Variants in ZNF75D observed in about 807,000 individuals in gnomAD.
ZNF75D encodes zinc finger protein 75D, also known as zinc finger protein 75.
In ZNF75D, 33 loss-of-function variants were observed where a neutral mutation model predicts 33.3. The ratio of observed to expected loss-of-function variants is 0.99; its 90% confidence interval spans 0.75 to 1.32. ZNF75D has a LOEUF of 1.32. Ranked by LOEUF, ZNF75D falls within the 40% of genes most tolerant of loss-of-function variation. ZNF75D has a pLI of 0.00. For missense variants in ZNF75D, 338 were observed against 367.5 expected (o/e 0.92, Z 0.66); for synonymous variants, 113 against 130.6 (o/e 0.87, Z 0.92).
intron 1 of ZNF75D, among the ~76,000 whole-genome samples, chrX:135,302,893 G>C (rs1221186190): frequency 1.8e-5 from 2 of 109,897 alleles, no homozygotes; most frequent in East Asian, 5.7e-4. Flanking sequence ...GCCGGCCTCT[G>C]AGTTCCCTTA....
chrX:135,289,562 G>A, intron 6 of ZNF75D, among the ~76,000 whole-genome samples: 1 of 109,411 alleles, frequency 9.1e-6, no homozygotes, highest in Non-Finnish European at 1.9e-5. Context: ...GTTGCAGTGA[G>A]CCAAGATTGC....
intron 1 of ZNF75D, among the ~76,000 whole-genome samples, chrX:135,318,638 C>T (rs1407895199): frequency 1.8e-5 from 2 of 111,219 alleles, no homozygotes; most frequent in East Asian, 2.8e-4. Flanking sequence ...CAATTATAAA[C>T]AAAAATTAAT....
chrX:135,258,183 T>A (rs2083817232), intron 1 of ZNF75D, among the ~76,000 whole-genome samples: 1 of 84,822 alleles, frequency 1.2e-5, no homozygotes, highest in Non-Finnish European at 2.9e-5. Context: ...TGGTGTATAA[T>A]CCAGTCTATC....
chrX:135,315,448 G>C (rs782203203), intron 1 of ZNF75D, among the ~76,000 whole-genome samples: 5 of 112,459 alleles, frequency 4.4e-5, no homozygotes, highest in African/African-American at 1.6e-4. Context: ...ATAAACGTCT[G>C]TTAGGTCCAT....
rs782129500 is a variant in ZNF75D, at chrX:135,318,330, C to T, written c.-390-22291G>A. On this transcript the variant is annotated intron_variant, in intron 1 of 6. Coordinates refer to ENST00000370766, the MANE Select transcript of ZNF75D (RefSeq NM_007131.5). Reference sequence around the variant, plus strand: ...CTGGTCACACAAAATGCACTACTGACCACATTTACCAACTTTCCTCTTCCA... The same window carrying T: ...CTGGTCACACAAAATGCACTACTGATCACATTTACCAACTTTCCTCTTCCA... Among the ~76,000 whole-genome samples the T allele has an allele frequency of 1.8e-4, 20 of 109,914 alleles. No individual in the cohort carries two copies. In the South Asian group the frequency reaches 7.4e-3, roughly 41 times the overall value.
At chrX:135,258,267 T>G (rs1339918020) in intron 1 of ZNF75D, among the ~76,000 whole-genome samples, 2 of 108,745 alleles carry the variant, frequency 1.8e-5, no homozygotes, top group Non-Finnish European at 3.9e-5. Flanking sequence ...CGTGTGCATG[T>G]GTCTTTATAG....
chrX:135,308,272 G>T (rs1420968554), intron 1 of ZNF75D, among the ~76,000 whole-genome samples: 1 of 112,262 alleles, frequency 8.9e-6, no homozygotes, highest in Non-Finnish European at 1.9e-5. Flanking sequence ...CAGGGAAAAA[G>T]AGAGAGTGTG....
At chrX:135,314,705 C>T (rs995868002) in intron 1 of ZNF75D, among the ~76,000 whole-genome samples, 1 of 111,628 alleles carries the variant, frequency 9.0e-6, no homozygotes, top group African/African-American at 3.3e-5. Context: ...TCAAGCTGGG[C>T]AGGTTGTATG....
chrX:135,306,530 T>C (rs1049694514), intron 1 of ZNF75D, among the ~76,000 whole-genome samples: 1 of 111,987 alleles, frequency 8.9e-6, no homozygotes, highest in Non-Finnish European at 1.9e-5. Context: ...CCCTCTTACA[T>C]AATCCTTCGC....
chrX:135,278,537 G>A (rs965788762), intron 1 of ZNF75D, among the ~76,000 whole-genome samples: 4 of 111,878 alleles, frequency 3.6e-5, no homozygotes, highest in African/African-American at 1.3e-4. Flanking sequence ...GAATAGGAGT[G>A]GTGAGAGAGG....
At chrX:135,258,099 G>A (rs921709273) in intron 1 of ZNF75D, among the ~76,000 whole-genome samples, 1 of 106,090 alleles carries the variant, frequency 9.4e-6, no homozygotes, top group Non-Finnish European at 2.0e-5. Flanking sequence ...TGCTGAGAAT[G>A]ATGGTTTCCA....
At chrX:135,249,136 A>C (rs2083771205) in exon 4 of ZNF75D, 1 of 323,652 alleles carries the variant, frequency 3.1e-6, no homozygotes, top group Non-Finnish European at 6.0e-6. Context: ...CTGTCTACTG[A>C]GTAAAACGCT....
At chrX:135,268,556 C>G (rs1292743813) in intron 1 of ZNF75D, among the ~76,000 whole-genome samples, 1 of 110,146 alleles carries the variant, frequency 9.1e-6, no homozygotes, top group African/African-American at 3.3e-5. Context: ...TGAAGCATGT[C>G]TATTATGAAA....
chrX:135,262,438 C>T (rs1476899539), intron 1 of ZNF75D, among the ~76,000 whole-genome samples: 3 of 112,334 alleles, frequency 2.7e-5, no homozygotes, highest in African/African-American at 9.7e-5. Flanking sequence ...ACCTATCAAA[C>T]GTAGATTTGG....
rs782074411 is a variant in ZNF75D at position 135,341,819 on chromosome X, A to G, written c.-442T>C. The G allele has an allele frequency of 8.9e-6, 1 of 112,584 alleles. No individual in the cohort carries two copies. The highest frequency in any genetic ancestry group is 2.8e-4 in the East Asian group (1 of 3,580). 9.3% of individuals were successfully genotyped at this position (112,584 alleles called of 1,213,427 possible). A position where few individuals can be genotyped will look rare whatever the true frequency, so the allele number is the denominator to read the frequency against. On this transcript the variant is annotated 5_prime_UTR_variant, in exon 1 of 7. An upstream start codon of the reference 5' UTR is lost. Coordinates refer to ENST00000370766, the MANE Select transcript of ZNF75D (RefSeq NM_007131.5). The stretch of plus-strand genomic sequence containing the variant: ...GGATCTTGGAAGATGGTAGTGGGTC[A>G]TTGTAAACTAAGCCAGGTGATGACT...
chrX:135,336,627 TCCTAGCCCTAGC>T (rs1261494878), intron 1 of ZNF75D, among the ~76,000 whole-genome samples: 1 of 112,093 alleles, frequency 8.9e-6, no homozygotes, highest in African/African-American at 3.2e-5. Flanking sequence ...ATATCTGCAT[TCCTAGCCCTAGC>T]CCTACTCCTA....
chrX:135,297,890 G>T (rs2084157136), intron 1 of ZNF75D: 1 of 112,110 alleles, frequency 8.9e-6, no homozygotes, highest in Admixed American at 9.4e-5. Flanking sequence ...TGCCAGCATT[G>T]TTGTTGGGTT....
chrX:135,262,458 A>G (rs1486070569), intron 1 of ZNF75D, among the ~76,000 whole-genome samples: 1 of 112,027 alleles, frequency 8.9e-6, no homozygotes, highest in Non-Finnish European at 1.9e-5. Flanking sequence ...GTCTTTTCAC[A>G]TAGTCCCATA....
At chrX:135,262,696 A>C (rs1305895750) in intron 1 of ZNF75D, among the ~76,000 whole-genome samples, 3 of 111,891 alleles carry the variant, frequency 2.7e-5, no homozygotes, top group Non-Finnish European at 5.6e-5. Flanking sequence ...CATTCGTCTA[A>C]TCTTTTTTCA....
Sources: gnomAD v4.1 joint callset for allele counts (sites outside exome capture counted in the v4.1 genomes callset) on GRCh38, gnomAD v4.1.1 for gene constraint, MANE v1.5 for transcripts, NCBI Gene and HGNC (gene_info 2026-07-23, HGNC 2026-07-21) for gene names.